Variants in ARHGEF28 observed in about 807,000 individuals in gnomAD.
ARHGEF28 encodes Rho guanine nucleotide exchange factor 28, also known as 190 kDa guanine nucleotide exchange factor.
In ARHGEF28, 152 loss-of-function variants were observed where a neutral mutation model predicts 206.6. The observed-to-expected ratio is 0.74, with a 90% CI of 0.64 to 0.84. ARHGEF28 has a LOEUF of 0.84. Among genes scored for constraint, ARHGEF28 ranks in the 40% least tolerant of loss-of-function variants. ARHGEF28 has a pLI of 0.00. For missense variants in ARHGEF28, 2,028 were observed against 2,073.2 expected (o/e 0.98, Z 0.42); for synonymous variants, 763 against 776.4 (o/e 0.98, Z 0.29).
chr5:73,845,242 C>T (rs780739107), intron 11 of ARHGEF28, among the ~76,000 whole-genome samples: 2 of 152,152 alleles, frequency 1.3e-5, no homozygotes, highest in Non-Finnish European at 2.9e-5. Flanking sequence ...TGGTCTCGAT[C>T]TCTGACCTCA....
chr5:73,829,472 T>G (rs1757155730), intron 9 of ARHGEF28, among the ~76,000 whole-genome samples: 1 of 152,134 alleles, frequency 6.6e-6, no homozygotes, highest in African/African-American at 2.4e-5. Context: ...CCTCCATCTC[T>G]GGGTTCAAGC....
rs961168604 is a variant in ARHGEF28, at chr5:73,785,125, G to A, written c.910+4380G>A. On this transcript the variant is annotated intron_variant, in intron 7 of 35. Transcript: ENST00000513042. ...ATTTTCTATTTAGTATTTTTGGACC[G>A]AAGTCAACGGCAGGTAATCAAAACC... Among the ~76,000 whole-genome samples the A allele has an allele frequency of 5.3e-5, 8 of 152,274 alleles. No homozygotes were observed. In the South Asian group the frequency reaches 8.3e-4, roughly 16 times the overall value.
intron 35 of ARHGEF28, among the ~76,000 whole-genome samples, chr5:73,913,685 G>GTTT (rs1205365478): frequency 6.6e-6 from 1 of 152,186 alleles, no homozygotes; most frequent in African/African-American, 2.4e-5. Context: ...CAGTGTTGTT[G>GTTT]TCCCCTCTTC....
chr5:73,732,735 T>C (rs1750691208), intron 2 of ARHGEF28, among the ~76,000 whole-genome samples: 1 of 152,224 alleles, frequency 6.6e-6, no homozygotes, highest in Non-Finnish European at 1.5e-5. Context: ...AGAACAGTGT[T>C]TTGAATATAT....
intron 29 of ARHGEF28, among the ~76,000 whole-genome samples, chr5:73,897,326 C>T (rs1762015094): frequency 6.6e-6 from 1 of 152,170 alleles, no homozygotes; most frequent in Admixed American, 6.5e-5. Flanking sequence ...CTCCTCCAAT[C>T]TGTAAACTCC....
At position 73,898,109 on chromosome 5, in the gene ARHGEF28, G is replaced by C. The variant is rs1470142148; in HGVS notation, c.3973+16G>C. 6.2e-7 allele frequency: 1 copy of C among 1,608,510 alleles called. No individual in the cohort carries two copies. Among genetic ancestry groups the C allele is most frequent in the Non-Finnish European group, 8.5e-7 (1 of 1,177,302 alleles). On this transcript the variant is annotated intron_variant, in intron 30 of 35. Coordinates refer to ENST00000513042, the MANE Select transcript of ARHGEF28 (RefSeq NM_001177693.2). ...CCGACTGCCTGTAAGTGAAAATGCA[G>C]GCCTTGGCAATGAGCCTGAGCACAG...
At chr5:73,789,442 C>T (rs115744348) in intron 7 of ARHGEF28, among the ~76,000 whole-genome samples, 3,278 of 152,110 alleles carry the variant, frequency 0.022, 55 homozygotes, top group Middle Eastern at 0.034. Flanking sequence ...ATTGCTAATG[C>T]GTGTGGGGTT....
intron 2 of ARHGEF28, among the ~76,000 whole-genome samples, chr5:73,708,700 A>G (rs965400429): frequency 1.3e-5 from 2 of 152,146 alleles, no homozygotes; most frequent in Admixed American, 6.5e-5. Flanking sequence ...TGGTAGACCA[A>G]TTAATTTCCC....
intron 9 of ARHGEF28, chr5:73,827,876 A>G (rs1049597603): frequency 6.6e-6 from 1 of 152,260 alleles, no homozygotes; most frequent in Non-Finnish European, 1.5e-5. Context: ...CTATATGCTC[A>G]TTGAAAAAGC....
At chr5:73,720,271 G>A (rs1749860005) in intron 2 of ARHGEF28, among the ~76,000 whole-genome samples, 1 of 152,124 alleles carries the variant, frequency 6.6e-6, no homozygotes, top group African/African-American at 2.4e-5. Flanking sequence ...GACATGACAG[G>A]TGGTCCCTGG....
At chr5:73,767,309 C>T (rs1752949368) in intron 4 of ARHGEF28, among the ~76,000 whole-genome samples, 1 of 152,196 alleles carries the variant, frequency 6.6e-6, no homozygotes, top group African/African-American at 2.4e-5. Flanking sequence ...AACTTTGGAA[C>T]TGGGTAACAG....
At chr5:73,938,160 C>CACACACA (rs577912637) in intron 35 of ARHGEF28, among the ~76,000 whole-genome samples, 1 of 139,548 alleles carries the variant, frequency 7.2e-6, no homozygotes, top group Non-Finnish European at 1.6e-5. Flanking sequence ...CTACACTACA[C>CACACACA]CACACACACA....
At chr5:73,691,012 C>T (rs1203358621) in intron 2 of ARHGEF28, among the ~76,000 whole-genome samples, 4 of 152,038 alleles carry the variant, frequency 2.6e-5, no homozygotes, top group South Asian at 2.1e-4. Context: ...TCACTGCAGC[C>T]TCCACCTCCT....
chr5:73,828,841 G>A (rs1168173765), intron 9 of ARHGEF28, among the ~76,000 whole-genome samples: 1 of 151,028 alleles, frequency 6.6e-6, no homozygotes, highest in African/African-American at 2.4e-5. Context: ...CTTTGAGACA[G>A]GGTGTTACTT....
chr5:73,893,132 T>C (rs1761747338), intron 27 of ARHGEF28, 65 bp from the exon 28 acceptor site: 2 of 1,305,000 alleles, frequency 1.5e-6, no homozygotes, highest in Non-Finnish European at 2.0e-6. Context: ...CCCATGTTTT[T>C]CTAATGAATC....
At chr5:73,662,834 C>T in intron 1 of ARHGEF28, among the ~76,000 whole-genome samples, 1 of 152,098 alleles carries the variant, frequency 6.6e-6, no homozygotes, top group Admixed American at 6.5e-5. Flanking sequence ...TAGGAACCTG[C>T]CTGTGAGGAA....
At chr5:73,672,237 A>T (rs1020185742) in intron 1 of ARHGEF28, among the ~76,000 whole-genome samples, 1 of 152,192 alleles carries the variant, frequency 6.6e-6, no homozygotes, top group African/African-American at 2.4e-5. Flanking sequence ...ATGTATAAAC[A>T]TAGGAGGCTG....
At chr5:73,729,012 G>C (rs189711808) in intron 2 of ARHGEF28, among the ~76,000 whole-genome samples, 2 of 152,332 alleles carry the variant, frequency 1.3e-5, no homozygotes, top group East Asian at 3.9e-4. Flanking sequence ...ACTGCAGTCT[G>C]AAGGGACTGA....
chr5:73,657,954 C>T (rs771877736), intron 1 of ARHGEF28, among the ~76,000 whole-genome samples: 12 of 152,154 alleles, frequency 7.9e-5, no homozygotes, highest in Non-Finnish European at 1.3e-4. Flanking sequence ...AAAGATTCTT[C>T]GTAGGACATC....
Sources: allele counts gnomAD v4.1 joint callset (sites outside exome capture counted in the v4.1 genomes callset), GRCh38; gene constraint gnomAD v4.1.1; transcripts MANE v1.5; gene names NCBI Gene and HGNC (gene_info 2026-07-23, HGNC 2026-07-21).